ITGB4: variants seen among roughly 807,000 people sequenced by gnomAD.
The protein encoded by ITGB4 is integrin subunit beta 4, also known as integrin beta-4.
In ITGB4, 159 loss-of-function variants were observed where a neutral mutation model predicts 207.6. The ratio of observed to expected loss-of-function variants is 0.77; its 90% CI spans 0.67 to 0.87. The LOEUF (loss-of-function observed/expected upper bound fraction) is 0.87, where lower values mean the gene tolerates loss of function less well. Among genes scored for constraint, ITGB4 ranks in the 40% least tolerant of loss-of-function variants. The pLI, the probability that ITGB4 is intolerant of heterozygous loss-of-function variation, is 0.00. For missense variants in ITGB4, 2,278 were observed against 2,546.8 expected, an observed-to-expected ratio of 0.89 and a Z score of 2.27; for synonymous variants, 1,020 against 1,062.7, an observed-to-expected ratio of 0.96 and a Z score of 0.78.
intron 8 of ITGB4, 75 bp from the exon 9 acceptor site, chr17:75,730,800 C>T (rs1223903318): frequency 7.2e-7 from 1 of 1,380,956 alleles, no homozygotes; most frequent in Non-Finnish European, 1.0e-6. Context: ...TCCCCATCCT[C>T]AAAGTGGGAA....
At chr17:75,743,297 A>G (rs2061158350) in intron 25 of ITGB4, among the ~76,000 whole-genome samples, 1 of 151,956 alleles carries the variant, frequency 6.6e-6, no homozygotes, top group South Asian at 2.1e-4. Context: ...CAATGGCACC[A>G]TCTTGGCTCA....
chr17:75,751,010 TCTC>T lies in ITGB4; in HGVS notation c.3697_3699del (p.Ser1233del). On this transcript the variant is annotated inframe_deletion, in exon 30 of 40. Transcript: ENST00000200181. ...CCAGGGCGTCTGGCCTTCAATGTCG[TCTC>T]CTCCACGGTGACCCAGCTGAGCTGG... The T allele has an allele frequency of 6.2e-7, 1 of 1,613,752 alleles. No individual in the cohort carries two copies. Among genetic ancestry groups the T allele is most frequent in the Non-Finnish European group, 8.5e-7 (1 of 1,180,006 alleles).
Position 75,724,725 on chromosome 17 carries a change from C to A in ITGB4, c.22C>A (p.Pro8Thr). The change falls in exon 2 of 40, where the codon CCA becomes ACA. Residue 8 changes from proline (P) to threonine (T), a missense_variant. Coordinates refer to ENST00000200181, the MANE Select transcript of ITGB4 (RefSeq NM_000213.5). MAGPRPS[P>T]WARLLLAALI... is the part of the protein sequence containing the mutation. Reference sequence around the variant, plus strand: ...GAGGATGGCAGGGCCACGCCCCAGCCCATGGGCCAGGCTGCTCCTGGCAGC... The same window carrying A: ...GAGGATGGCAGGGCCACGCCCCAGCACATGGGCCAGGCTGCTCCTGGCAGC... The A allele has an allele frequency of 6.2e-7, 1 of 1,613,838 alleles. No homozygotes were observed. The highest frequency in any genetic ancestry group is 8.5e-7 in the Non-Finnish European group (1 of 1,179,998).
At chr17:75,728,518 A>C in intron 6 of ITGB4, 45 bp downstream of exon 6, 1 of 1,427,572 alleles carries the variant, frequency 7.0e-7, no homozygotes, top group Non-Finnish European at 9.9e-7. Flanking sequence ...GGTCCAGGCC[A>C]TGTGACCCCC....
chr17:75,751,185 G>C (rs2061359950), intron 30 of ITGB4, 74 bp downstream of exon 30: 1 of 1,555,018 alleles, frequency 6.4e-7, no homozygotes, highest in South Asian at 1.1e-5. Flanking sequence ...GCTGGAGGGA[G>C]CTCTTGGTCA....
chr17:75,730,997 C>T, intron 9 of ITGB4, 33 bp downstream of exon 9: 2 of 1,586,288 alleles, frequency 1.3e-6, no homozygotes, highest in Non-Finnish European at 1.7e-6. Flanking sequence ...AGTCTGAGCC[C>T]TTCTGGGGCA....
rs1245627532 is a variant in ITGB4, at chr17:75,731,050, C to T, written c.1092+86C>T. 3.5e-6 allele frequency: 5 copies of T among 1,440,744 alleles called. No individual in the cohort carries two copies. Among genetic ancestry groups the T allele is most frequent in the South Asian group, 2.3e-5 (2 of 86,350 alleles). The allele number at this position is 1,440,744 out of a possible 1,614,324, so 89.2% of individuals were successfully genotyped here. ...GGTGGGCAAGAGGTGTCTTGGATCA[C>T]GGTGGAGAAATGGGTCTGGGACAGA... On this transcript the variant is annotated intron_variant, in intron 9 of 39. Coordinates refer to ENST00000200181, the MANE Select transcript of ITGB4 (RefSeq NM_000213.5). The surrounding 1 kb of genome is among the most constrained non-coding windows in gnomAD (Gnocchi z 6.8).
intron 13 of ITGB4, among the ~76,000 whole-genome samples, chr17:75,733,920 C>A (rs1218525195): frequency 6.6e-6 from 1 of 152,132 alleles, no homozygotes; most frequent in Non-Finnish European, 1.5e-5. Context: ...GTTGGCAGGA[C>A]TTTCCCCTGG....
Position 75,740,063 on chromosome 17 carries a change from C to G in ITGB4, c.2438C>G (p.Thr813Arg), listed in dbSNP as rs1324022582. Residue 813 changes from threonine (T) to arginine (R), a missense_variant, in exon 20 of 40, where the codon ACA becomes AGA. Coordinates refer to ENST00000200181, the MANE Select transcript of ITGB4 (RefSeq NM_000213.5). This position sits in a 1 kb window ranked among gnomAD's most constrained non-coding sequence, Gnocchi z 5.9. The part of the protein sequence containing the change: ...FATHAASINP[T>R]ELVPYGLSLR... ...ACTCATGCCGCCAGCATCAACCCCA[C>G]AGAGCTGGGTGAGGGCGGGGCTGGG... 6.2e-7 allele frequency: 1 copy of G among 1,612,030 alleles called. No individual in the cohort carries two copies. The highest frequency in any genetic ancestry group is 1.3e-5 in the African/African-American group (1 of 75,052).
At position 75,755,684 on chromosome 17, in the gene ITGB4, C is replaced by T. The variant is rs200368215; in HGVS notation, c.4559-17C>T. On this transcript the variant is annotated splice_polypyrimidine_tract_variant and intron_variant, in intron 34 of 39. Transcript: ENST00000200181. Reference sequence around the variant, plus strand: ...TAGCCCCTGCATCTCTGGCTGACTGCGGCCTCCTGTCCCCAGACTCTCGCC... The same window carrying T: ...TAGCCCCTGCATCTCTGGCTGACTGTGGCCTCCTGTCCCCAGACTCTCGCC... 4.6e-5 allele frequency: 74 copies of T among 1,612,442 alleles called. No homozygotes were observed. Among genetic ancestry groups the T allele is most frequent in the African/African-American group, 5.3e-5 (4 of 75,022 alleles).
intron 8 of ITGB4, 33 bp downstream of exon 8, chr17:75,730,537 G>T: frequency 6.2e-7 from 1 of 1,612,222 alleles, no homozygotes; most frequent in Non-Finnish European, 8.5e-7. Context: ...GTGGGAGGTG[G>T]TCAAGGTAGG....
chr17:75,741,215 T>A (rs914286044), intron 23 of ITGB4: 2 of 661,660 alleles, frequency 3.0e-6, no homozygotes, highest in Non-Finnish European at 2.7e-6. Flanking sequence ...GCCCCTGGAC[T>A]AGAGCAGGCA....
chr17:75,734,195 A>T (rs1159109999), intron 13 of ITGB4, among the ~76,000 whole-genome samples: 1 of 135,186 alleles, frequency 7.4e-6, no homozygotes, highest in Admixed American at 8.4e-5. Flanking sequence ...GGAGTGCAAT[A>T]GCACAATCTT....
chr17:75,753,620 A>T, intron 32 of ITGB4, 145 bp from the exon 33 acceptor site: 1 of 477,238 alleles, frequency 2.1e-6, no homozygotes, highest in East Asian at 3.6e-5. Flanking sequence ...GGCCGTGCGC[A>T]TCTACCCCCG....
At position 75,739,231 on chromosome 17, in the gene ITGB4, G is replaced by T. The variant is rs1186631973; in HGVS notation, c.2221-441G>T. ...AATTGCTTGAACCTGGGAGGTAGAG[G>T]TTGCAGTGAGCCGCGATCGTGCCAC... On this transcript the variant is annotated intron_variant, in intron 18 of 39. Transcript: ENST00000200181. The surrounding 1 kb of genome is among the most constrained non-coding windows in gnomAD (Gnocchi z 5.4). Among the ~76,000 whole-genome samples, 2 of 151,430 alleles carry T rather than the reference G, an allele frequency of 1.3e-5. No individual in the cohort carries two copies. The highest frequency in any genetic ancestry group is 2.4e-5 in the African/African-American group (1 of 41,162).
rs1210605246 is a variant in ITGB4 at position 75,750,094 on chromosome 17, C to T, written c.3317-17C>T. 3.1e-6 allele frequency: 5 copies of T among 1,613,320 alleles called. No individual in the cohort carries two copies. The South Asian group carries it at 5.5e-5, about 18-fold the overall frequency. On this transcript the variant is annotated splice_polypyrimidine_tract_variant and intron_variant, in intron 27 of 39. Transcript: ENST00000200181. The surrounding 1 kb of genome is among the most constrained non-coding windows in gnomAD (Gnocchi z 5.5). ...GGGGGATCTGAGTGGTTGCCCGGCCCCAACCTGACCCGTTAGATGAACTGG... is the reference window on the plus strand; with the variant it reads ...GGGGGATCTGAGTGGTTGCCCGGCCTCAACCTGACCCGTTAGATGAACTGG...
At chr17:75,753,720 C>T (rs764555355) in intron 32 of ITGB4, 45 bp from the exon 33 acceptor site, 16 of 1,299,874 alleles carry the variant, frequency 1.2e-5, no homozygotes, top group Admixed American at 6.7e-5. Context: ...CTGCTCGGCC[C>T]GGCGCCCCCC....
chr17:75,742,204 C>A lies in ITGB4; in HGVS notation c.2634-137C>A. 2 of 1,134,810 alleles carry A rather than the reference C, an allele frequency of 1.8e-6. No individual in the cohort carries two copies. The highest frequency in any genetic ancestry group is 2.6e-6 in the Non-Finnish European group (2 of 776,056). The allele number at this position is 1,134,810 out of a possible 1,614,324, so 70.3% of individuals were successfully genotyped here. A position where few individuals can be genotyped will look rare whatever the true frequency, so the allele number is the denominator to read the frequency against. Reference sequence around the variant, plus strand: ...ATGGGGCTGGCATAGGCCTGGAGCACTGCCTGCCTCTGAAGACCCTGCACT... The same window carrying A: ...ATGGGGCTGGCATAGGCCTGGAGCAATGCCTGCCTCTGAAGACCCTGCACT... On this transcript the variant is annotated intron_variant, in intron 23 of 39. Coordinates refer to ENST00000200181, the MANE Select transcript of ITGB4 (RefSeq NM_000213.5). This position sits in a 1 kb window ranked among gnomAD's most constrained non-coding sequence, Gnocchi z 5.9.
At chr17:75,755,460 G>C (rs1366429732) in intron 34 of ITGB4, among the ~76,000 whole-genome samples, 1 of 152,196 alleles carries the variant, frequency 6.6e-6, no homozygotes, top group Admixed American at 6.5e-5. Flanking sequence ...AGTTGAGGGG[G>C]TGGGGCTGGC....
Sources: gnomAD v4.1 joint callset for allele counts (sites outside exome capture counted in the v4.1 genomes callset) on GRCh38, gnomAD v4.1.1 for gene constraint, Gnocchi (gnomAD v3.1) non-coding constraint, MANE v1.5 for transcripts, NCBI Gene and HGNC (gene_info 2026-07-23, HGNC 2026-07-21) for gene names.